ANKMY1: variants seen among roughly 807,000 people sequenced by gnomAD.
ANKMY1 encodes ankyrin repeat and MYND domain containing 1, also known as ankyrin repeat and MYND domain-containing protein 1.
Under a neutral mutation model 102.0 loss-of-function variants are expected in ANKMY1, and 98 were observed. That is an observed-to-expected ratio of 0.96 (90% CI 0.82 to 1.14). ANKMY1 has a LOEUF of 1.14. Ranked by LOEUF, ANKMY1 falls within the 50% of genes most tolerant of loss-of-function variation. The probability of loss-of-function intolerance (pLI) is 0.00; values close to 1 mark genes in which losing one functional copy is unlikely to be tolerated. For synonymous variants in ANKMY1, 582 were observed against 559.9 expected (o/e 1.04, Z -0.56); for missense variants, 1,330 against 1,347.6 (o/e 0.99, Z 0.20).
upstream of ANKMY1, chr2:240,560,868 G>A: frequency 2.2e-6 from 3 of 1,376,720 alleles, no homozygotes; most frequent in Non-Finnish European, 2.8e-6. Flanking sequence ...GCGCGCGCCC[G>A]GCGTGGCAGA....
In ANKMY1 at chr2:240,511,889, A is replaced by G; in HGVS notation, c.2258T>C (p.Met753Thr). The change falls in exon 11 of 18, where the codon ATG (methionine) becomes ACG (threonine). Residue 753 changes from methionine (M) to threonine (T), a missense_variant. Physicochemically the swap from Met to Thr is moderately conservative, Grantham distance 81. Transcript: ENST00000401804. Reference sequence around the variant, plus strand: ...GTTGTCATCCTCCCGCTCGCAGGCCATGTGCAGAGCCGTCCTGCCCCCCTC... The same window carrying G: ...GTTGTCATCCTCCCGCTCGCAGGCCGTGTGCAGAGCCGTCCTGCCCCCCTC... The part of the protein sequence containing the change: ...PEEGGRTALH[M>T]ACEREDDNKC... 1 of 1,593,070 alleles carries G rather than the reference A, an allele frequency of 6.3e-7. No individual in the cohort carries two copies. Among genetic ancestry groups the G allele is most frequent in the Non-Finnish European group, 8.5e-7 (1 of 1,175,442 alleles).
Position 240,557,181 on chromosome 2 carries a change from C to A in ANKMY1, c.146+9G>T, listed in dbSNP as rs746690212. The A allele has an allele frequency of 4.6e-6, 7 of 1,509,930 alleles. No individual in the cohort carries two copies. The highest frequency in any genetic ancestry group is 2.8e-5 in the African/African-American group (2 of 71,182). 93.5% of individuals were successfully genotyped at this position (1,509,930 alleles called of 1,614,324 possible). ...GGGTCGGACCTCCCCGCTGGAGGGTCCCCCGCACCTTGTGGCGAAGACAGC... is the reference window on the plus strand; with the variant it reads ...GGGTCGGACCTCCCCGCTGGAGGGTACCCCGCACCTTGTGGCGAAGACAGC... On this transcript the variant is annotated intron_variant, in intron 2 of 17. Transcript: ENST00000401804.
At chr2:240,524,435 T>G in intron 7 of ANKMY1, 54 bp from the exon 8 acceptor site, 1 of 1,531,266 alleles carries the variant, frequency 6.5e-7, no homozygotes, top group Non-Finnish European at 8.8e-7. Flanking sequence ...GATAACCTCA[T>G]TCTAGGACCT....
In ANKMY1 at chr2:240,557,923, G is replaced by A. The variant is rs1319456250; in HGVS notation, c.-60C>T. ...GCTCGCGCCGGACAGCAGGGAGACCGACGGGACTGCAGCCACCGCGGACGC... is the reference window on the plus strand; with the variant it reads ...GCTCGCGCCGGACAGCAGGGAGACCAACGGGACTGCAGCCACCGCGGACGC... On this transcript the variant is annotated 5_prime_UTR_variant, in exon 1 of 18. Coordinates refer to ENST00000401804, the MANE Select transcript of ANKMY1 (RefSeq NM_001282771.3). 1.2e-5 allele frequency: 12 copies of A among 985,596 alleles called. No individual in the cohort carries two copies. Among genetic ancestry groups the A allele is most frequent in the Non-Finnish European group, 1.3e-5 (11 of 830,060 alleles). 61.1% of individuals were successfully genotyped at this position (985,596 alleles called of 1,614,324 possible). A position where few individuals can be genotyped will look rare whatever the true frequency, so the allele number is the denominator to read the frequency against.
chr2:240,523,860 C>G, intron 8 of ANKMY1, 25 bp downstream of exon 8: 1 of 1,602,118 alleles, frequency 6.2e-7, no homozygotes, highest in Non-Finnish European at 8.5e-7. Context: ...GCCCTCCACC[C>G]CCACCAGCTG....
Position 240,515,401 on chromosome 2 carries a change from G to A in ANKMY1, c.2005-2459C>T, listed in dbSNP as rs151142218. 5.4e-3 allele frequency among the ~76,000 whole-genome samples: 826 copies of A among 152,130 alleles called. 2 individuals carry two copies. The highest frequency in any genetic ancestry group is 0.01 in the Middle Eastern group (3 of 294). ...AATACAAAAATTAGCTAGGTGTGGC[G>A]GCAGGCGCCTGTAATCCCAGCTACT... On this transcript the variant is annotated intron_variant, in intron 9 of 17. Coordinates refer to ENST00000401804, the MANE Select transcript of ANKMY1 (RefSeq NM_001282771.3).
At position 240,520,611 on chromosome 2, in the gene ANKMY1, G is replaced by A; in HGVS notation, c.1833-78C>T. 6.7e-7 allele frequency: 1 copy of A among 1,494,178 alleles called. No homozygotes were observed. Among genetic ancestry groups the A allele is most frequent in the South Asian group, 1.3e-5 (1 of 76,210 alleles). 92.6% of individuals were successfully genotyped at this position (1,494,178 alleles called of 1,614,324 possible). On this transcript the variant is annotated intron_variant, in intron 8 of 17. Coordinates refer to ENST00000401804, the MANE Select transcript of ANKMY1 (RefSeq NM_001282771.3). This position sits in a 1 kb window ranked among gnomAD's most constrained non-coding sequence, Gnocchi z 4.8. Reference sequence around the variant, plus strand: ...GCCCAGAACGGGGCCATGCCAGCGAGGAGGCTGGGGAGGGGCGCGTAGGGA... The same window carrying A: ...GCCCAGAACGGGGCCATGCCAGCGAAGAGGCTGGGGAGGGGCGCGTAGGGA...
intron 13 of ANKMY1, among the ~76,000 whole-genome samples, chr2:240,504,998 C>G (rs1300194571): frequency 1.3e-5 from 2 of 151,218 alleles, no homozygotes; most frequent in Non-Finnish European, 3.0e-5. Flanking sequence ...CACACACACA[C>G]ACATACACAC....
chr2:240,510,155 T>C (rs1439479397), intron 11 of ANKMY1, among the ~76,000 whole-genome samples: 3 of 97,822 alleles, frequency 3.1e-5, no homozygotes, highest in Admixed American at 1.0e-4. Flanking sequence ...CCCCAATCCG[T>C]GCCCTCCCTG....
At position 240,482,226 on chromosome 2, in the gene ANKMY1, C is replaced by T; in HGVS notation, c.2842G>A (p.Gly948Ser). The T allele has an allele frequency of 6.2e-7, 1 of 1,612,976 alleles. No individual in the cohort carries two copies. The highest frequency in any genetic ancestry group is 8.5e-7 in the Non-Finnish European group (1 of 1,179,482). The change falls in exon 16 of 18, where the codon GGC becomes AGC. Residue 948 changes from glycine to serine, a missense_variant. Physicochemically the swap from Gly to Ser is moderately conservative, Grantham distance 56 (BLOSUM62 0). Transcript: ENST00000401804. ...LIPSHRMKKK[G>S]PSLPRGLDVK... ...TCCAGGCCCCTGGGCAGGCTGGGGC[C>T]CTTCTTCTTCATCCTGTGGCTGGGG...
chr2:240,519,225 T>C (rs2081703698), intron 9 of ANKMY1, among the ~76,000 whole-genome samples: 1 of 152,202 alleles, frequency 6.6e-6, no homozygotes, highest in South Asian at 2.1e-4. Flanking sequence ...TGGACAGCAG[T>C]GGTTTCTTGA....
intron 8 of ANKMY1, among the ~76,000 whole-genome samples, chr2:240,521,405 A>T (rs538614052): frequency 3.3e-5 from 5 of 152,188 alleles, no homozygotes; most frequent in African/African-American, 1.2e-4. Context: ...AAAACTGTCA[A>T]AACATGTCCA....
At chr2:240,557,475 C>T in intron 1 of ANKMY1, 123 bp from the exon 2 acceptor site, 3 of 1,192,388 alleles carry the variant, frequency 2.5e-6, no homozygotes, top group Non-Finnish European at 3.3e-6. Flanking sequence ...CTGAACCGCG[C>T]CGGAGCCTGG....
At chr2:240,501,852 G>A (rs988868179) in intron 13 of ANKMY1, among the ~76,000 whole-genome samples, 18 of 152,312 alleles carry the variant, frequency 1.2e-4, no homozygotes, top group Admixed American at 5.2e-4. Flanking sequence ...CAAGGCCTAC[G>A]CCAGGCAGAG....
rs2083600607 is a variant in ANKMY1 at position 240,527,002 on chromosome 2, C to T, written c.954-557G>A. On this transcript the variant is annotated intron_variant, in intron 5 of 17. Coordinates refer to ENST00000401804, the MANE Select transcript of ANKMY1 (RefSeq NM_001282771.3). ...CCTAACAGTCTTCAACAATTACAAGCCCAGTTGATGTCTGCATGATGGATG... is the reference window on the plus strand; with the variant it reads ...CCTAACAGTCTTCAACAATTACAAGTCCAGTTGATGTCTGCATGATGGATG... 8 of 998,676 alleles carry T rather than the reference C, an allele frequency of 8.0e-6. No individual in the cohort carries two copies. In the South Asian group the frequency reaches 2.6e-4, roughly 32 times the overall value. 61.9% of individuals were successfully genotyped at this position (998,676 alleles called of 1,614,324 possible).
At chr2:240,528,889 C>A in intron 5 of ANKMY1, 148 bp downstream of exon 5, 1 of 757,030 alleles carries the variant, frequency 1.3e-6, no homozygotes. Context: ...TTCATTATCG[C>A]CCACATCAGT....
intron 4 of ANKMY1, among the ~76,000 whole-genome samples, chr2:240,538,615 C>T (rs1344482094): frequency 3.3e-5 from 5 of 152,216 alleles, no homozygotes; most frequent in African/African-American, 1.2e-4. Context: ...TGCTCCACAG[C>T]TCCCCAGTCC....
intron 13 of ANKMY1, among the ~76,000 whole-genome samples, chr2:240,505,661 T>A (rs1252347007): frequency 1.3e-5 from 2 of 151,654 alleles, no homozygotes; most frequent in South Asian, 2.1e-4. Flanking sequence ...AAGTGGTGAG[T>A]CTAGGTGAGG....
intron 5 of ANKMY1, 46 bp from the exon 6 acceptor site, chr2:240,526,491 C>G: frequency 6.2e-7 from 1 of 1,610,800 alleles, no homozygotes; most frequent in Non-Finnish European, 8.5e-7. Context: ...GGTTCTGCAC[C>G]TCCCACGAGA....
Sources: gnomAD v4.1 joint callset for allele counts (sites outside exome capture counted in the v4.1 genomes callset) on GRCh38, gnomAD v4.1.1 for gene constraint, Gnocchi (gnomAD v3.1) non-coding constraint, MANE v1.5 for transcripts, NCBI Gene and HGNC (gene_info 2026-07-23, HGNC 2026-07-21) for gene names.